PEDS1: variants seen among roughly 807,000 people sequenced by gnomAD.
PEDS1 encodes plasmanylethanolamine desaturase 1.
In PEDS1, 14 loss-of-function variants were observed where a neutral mutation model predicts 35.2. That is an observed-to-expected ratio of 0.40 (90% CI 0.26 to 0.62). The LOEUF (loss-of-function observed/expected upper bound fraction) is 0.62, where lower values mean the gene tolerates loss of function less well. Among genes scored for constraint, PEDS1 ranks in the 20% least tolerant of loss-of-function variants. The pLI is 0.44. For missense variants in PEDS1, 260 were observed against 367.8 expected (o/e 0.71, Z 2.40); for synonymous variants, 152 against 152.0 (o/e 1.00, Z 0.00).
chr20:50,151,052 C>G (rs2081397929), intron 1 of PEDS1, among the ~76,000 whole-genome samples: 1 of 152,178 alleles, frequency 6.6e-6, no homozygotes, highest in Non-Finnish European at 1.5e-5. Context: ...AGAACATGGA[C>G]TAGAACATAG....
chr20:50,128,123 G>T lies in PEDS1; in HGVS notation c.543C>A (p.Phe181Leu), dbSNP rs749995843. ...FVFCLIIFGT[F>L]TNQIHKWSHT... ...GCGACCACTTGTGGATCTGGTTGGT[G>T]AAGGTGCCGAAGATGATCAGGCAGA... The change falls in exon 5 of 6, where the codon TTC becomes TTA. Residue 181 changes from phenylalanine to leucine, a missense_variant. Around this residue, in one of 4 missense-constraint regions of PEDS1, gnomAD observed 83 missense variants for 142.8 expected, o/e 0.58. Transcript: ENST00000371652. The surrounding 1 kb of genome is among the most constrained non-coding windows in gnomAD (Gnocchi z 5.2). The T allele has an allele frequency of 6.2e-7, 1 of 1,614,192 alleles. No individual in the cohort carries two copies. Among genetic ancestry groups the T allele is most frequent in the South Asian group, 1.1e-5 (1 of 91,080 alleles).
rs970221757 is a variant in PEDS1 at position 50,142,689 on chromosome 20, C to A, written c.241+813G>T. Among the ~76,000 whole-genome samples, 62 of 94,328 alleles carry A rather than the reference C, an allele frequency of 6.6e-4. 1 individual carries two copies. Among genetic ancestry groups the A allele is most frequent in the Non-Finnish European group, 1.4e-3 (56 of 41,194 alleles). 61.9% of individuals were successfully genotyped at this position (94,328 alleles called of 152,430 possible). On this transcript the variant is annotated intron_variant, in intron 2 of 5. Transcript: ENST00000371652. ...CCTGACCTCAAGTCATCCGCCCCCC[C>A]CCCCCCGCCCCAACGGCCTCCCACA...
intron 5 of PEDS1, 44 bp from the exon 6 acceptor site, chr20:50,125,223 T>C: frequency 6.2e-7 from 1 of 1,605,580 alleles, no homozygotes; most frequent in South Asian, 1.1e-5. Flanking sequence ...GAGAGAGTAG[T>C]CAAGGGGACA....
chr20:50,137,960 CAGA>C (rs1284713848), intron 2 of PEDS1, among the ~76,000 whole-genome samples: 1 of 152,160 alleles, frequency 6.6e-6, no homozygotes, highest in Non-Finnish European at 1.5e-5. Context: ...GATCCAGGAA[CAGA>C]AGAAGGACAT....
intron 2 of PEDS1, among the ~76,000 whole-genome samples, chr20:50,137,267 A>T (rs1460314857): frequency 2.0e-5 from 3 of 152,096 alleles, no homozygotes; most frequent in Non-Finnish European, 4.4e-5. Flanking sequence ...TCCTGAGCTC[A>T]AGCGACCCAC....
chr20:50,145,688 T>C (rs1223442893), intron 1 of PEDS1, among the ~76,000 whole-genome samples: 2 of 150,976 alleles, frequency 1.3e-5, no homozygotes, highest in South Asian at 4.2e-4. Flanking sequence ...TAAAACTCCA[T>C]CTCAAGAAAA....
intron 3 of PEDS1, among the ~76,000 whole-genome samples, chr20:50,130,605 C>A (rs2081168091): frequency 6.6e-6 from 1 of 152,144 alleles, no homozygotes. Flanking sequence ...AAGCAAGACA[C>A]CCCCAAATTC....
At chr20:50,141,089 C>CTCTGATCCAG (rs1317978732) in intron 2 of PEDS1, among the ~76,000 whole-genome samples, 1 of 152,216 alleles carries the variant, frequency 6.6e-6, no homozygotes, top group Non-Finnish European at 1.5e-5. Flanking sequence ...CACACCTGGG[C>CTCTGATCCAG]TCTGATCCAG....
At position 50,124,329 on chromosome 20, in the gene PEDS1, T is replaced by G. The variant is rs2081076805; in HGVS notation, c.*729A>C. 6.6e-6 allele frequency: 1 copy of G among 152,644 alleles called. No individual in the cohort carries two copies. Among genetic ancestry groups the G allele is most frequent in the Non-Finnish European group, 1.5e-5 (1 of 68,066 alleles). The allele number at this position is 152,644 out of a possible 1,614,324, so 9.5% of individuals were successfully genotyped here. On this transcript the variant is annotated 3_prime_UTR_variant, in exon 6 of 6. Coordinates refer to ENST00000371652, the MANE Select transcript of PEDS1 (RefSeq NM_199129.4). ...AAAACAAAACAAAAAAGCCCTACTCTTCCTTCTCTGACATACTCTGGCCAG... is the reference window on the plus strand; with the variant it reads ...AAAACAAAACAAAAAAGCCCTACTCGTCCTTCTCTGACATACTCTGGCCAG...
intron 2 of PEDS1, among the ~76,000 whole-genome samples, chr20:50,131,969 C>T (rs1466994007): frequency 6.6e-6 from 1 of 151,830 alleles, no homozygotes; most frequent in Non-Finnish European, 1.5e-5. Flanking sequence ...TTTGGGAGGC[C>T]GAGGTGGGCG....
intron 2 of PEDS1, among the ~76,000 whole-genome samples, chr20:50,140,317 C>T (rs989521725): frequency 1.3e-5 from 2 of 152,246 alleles, no homozygotes; most frequent in Non-Finnish European, 2.9e-5. Flanking sequence ...GCTGTCCCCA[C>T]CCCCAGCCAT....
intron 1 of PEDS1, among the ~76,000 whole-genome samples, chr20:50,148,629 G>T (rs899011711): frequency 5.9e-5 from 9 of 152,122 alleles, no homozygotes; most frequent in Admixed American, 2.0e-4. Context: ...AGGCTTGGTG[G>T]GCCCAACTCT....
intron 2 of PEDS1, among the ~76,000 whole-genome samples, chr20:50,137,130 A>G (rs2081244812): frequency 6.6e-6 from 1 of 152,090 alleles, no homozygotes; most frequent in Non-Finnish European, 1.5e-5. Context: ...TGGCGGTGCC[A>G]TTCACAGCTC....
Position 50,121,788 on chromosome 20 carries a change from GTTTT to G in PEDS1, c.*3266_*3269del, listed in dbSNP as rs1218543475. 2.0e-5 allele frequency: 3 copies of G among 152,062 alleles called. No homozygotes were observed. The highest frequency in any genetic ancestry group is 7.3e-5 in the African/African-American group (3 of 41,356). The allele number at this position is 152,062 out of a possible 1,614,324, so 9.4% of individuals were successfully genotyped here. On this transcript the variant is annotated 3_prime_UTR_variant, in exon 6 of 6. Transcript: ENST00000371652. ...TTACCTCTCTGGACTCAGGCTGAGG[GTTTT>G]TTTTCTGTCGGCTCCAGGGGAACTG...
intron 5 of PEDS1, among the ~76,000 whole-genome samples, chr20:50,125,522 C>T (rs1311190582): frequency 6.6e-6 from 1 of 152,004 alleles, no homozygotes; most frequent in Non-Finnish European, 1.5e-5. Flanking sequence ...TAAGCAGCAC[C>T]CCAGGTTTCT....
At chr20:50,146,259 C>T (rs1263727672) in intron 1 of PEDS1, among the ~76,000 whole-genome samples, 1 of 152,146 alleles carries the variant, frequency 6.6e-6, no homozygotes, top group East Asian at 1.9e-4. Context: ...CCCTGGAAAC[C>T]TCCATCTCCA....
At chr20:50,145,525 T>C (rs1406986640) in intron 1 of PEDS1, among the ~76,000 whole-genome samples, 5 of 152,078 alleles carry the variant, frequency 3.3e-5, no homozygotes, top group Admixed American at 2.6e-4. Flanking sequence ...CGAAACCCCA[T>C]CTCTACTAAA....
chr20:50,150,893 G>A (rs1443326256), intron 1 of PEDS1, among the ~76,000 whole-genome samples: 1 of 151,908 alleles, frequency 6.6e-6, no homozygotes, highest in Non-Finnish European at 1.5e-5. Flanking sequence ...TCGGGGTTTC[G>A]CCATGTTGGC....
At position 50,152,425 on chromosome 20, in the gene PEDS1, C is replaced by T. The variant is rs140336540; in HGVS notation, c.121+1092G>A. ...ACAAAGCTTCATTCCATGGTGACAC[C>T]CAGGTAGAGGTGCCTCCCAGTCACC... is the stretch of plus-strand genomic sequence containing the variant. On this transcript the variant is annotated intron_variant, in intron 1 of 5. Coordinates refer to ENST00000371652, the MANE Select transcript of PEDS1 (RefSeq NM_199129.4). Among the ~76,000 whole-genome samples the T allele has an allele frequency of 6.5e-3, 985 of 152,242 alleles. 12 individuals are homozygous for T. The highest frequency in any genetic ancestry group is 0.022 in the African/African-American group (927 of 41,532).
Sources: gnomAD v4.1 joint callset for allele counts (sites outside exome capture counted in the v4.1 genomes callset) on GRCh38, gnomAD v4.1.1 for gene constraint, gnomAD v4.1.1 regional missense constraint, Gnocchi (gnomAD v3.1) non-coding constraint, MANE v1.5 for transcripts, NCBI Gene and HGNC (gene_info 2026-07-23, HGNC 2026-07-21) for gene names.